NELL2: variants seen among roughly 807,000 people sequenced by gnomAD.
NELL2 encodes protein kinase C-binding protein NELL2.
A neutral mutation model predicts 109.6 loss-of-function variants in NELL2; 41 were observed. That is an observed-to-expected ratio of 0.37 (90% confidence interval 0.29 to 0.49). NELL2 has a LOEUF of 0.49. Ranked by LOEUF, NELL2 falls within the 20% of genes least tolerant of loss-of-function variation. The pLI is 0.98. For synonymous variants in NELL2, 355 were observed against 344.7 expected (o/e 1.03, Z -0.33); for missense variants, 900 against 1,008.3 (o/e 0.89, Z 1.45).
chr12:44,580,382 C>T (rs2136209689), intron 15 of NELL2, among the ~76,000 whole-genome samples: 1 of 152,218 alleles, frequency 6.6e-6, no homozygotes, highest in East Asian at 1.9e-4. Flanking sequence ...CACAGAAAAG[C>T]ATCACAGAAG....
At chr12:44,639,954 G>A (rs1946790200) in intron 13 of NELL2, among the ~76,000 whole-genome samples, 2 of 151,968 alleles carry the variant, frequency 1.3e-5, no homozygotes, top group African/African-American at 4.8e-5. Flanking sequence ...CCTCTTTTCA[G>A]TCCCTTAAAC....
intron 19 of NELL2, among the ~76,000 whole-genome samples, chr12:44,510,894 T>C (rs1158847545): frequency 6.6e-6 from 1 of 152,216 alleles, no homozygotes; most frequent in Admixed American, 6.5e-5. Context: ...TTTCTGACCA[T>C]AACCAGGTCA....
At chr12:44,665,411 G>C in intron 13 of NELL2, 73 bp downstream of exon 13, 1 of 1,336,848 alleles carries the variant, frequency 7.5e-7, no homozygotes, top group Non-Finnish European at 1.0e-6. Flanking sequence ...TCAAAAAAAT[G>C]AGAGTCAAAG....
At chr12:44,693,405 T>C (rs1824156255) in intron 12 of NELL2, among the ~76,000 whole-genome samples, 1 of 152,218 alleles carries the variant, frequency 6.6e-6, no homozygotes, top group Admixed American at 6.5e-5. Context: ...TATTGCAATA[T>C]TAGCTTTATT....
intron 2 of NELL2, among the ~76,000 whole-genome samples, chr12:44,847,075 G>A (rs137910082): frequency 4.3e-4 from 65 of 152,274 alleles, no homozygotes; most frequent in African/African-American, 1.4e-3. Flanking sequence ...AGAACTCAGA[G>A]TATTACATAA....
chr12:44,863,552 C>A (rs1605295), intron 2 of NELL2, among the ~76,000 whole-genome samples: 11,267 of 152,082 alleles, frequency 0.074, 544 homozygotes, highest in Admixed American at 0.12. Flanking sequence ...AATATTGAAC[C>A]CAGCAAACAT....
intron 13 of NELL2, among the ~76,000 whole-genome samples, chr12:44,634,485 C>T (rs1327150478): frequency 1.3e-5 from 2 of 152,120 alleles, no homozygotes; most frequent in East Asian, 3.9e-4. Context: ...ATCCATGTCC[C>T]TGCAAAGGCA....
Position 44,777,058 on chromosome 12 carries a change from G to A in NELL2, c.746C>T (p.Ala249Val). The change falls in exon 7 of 20, where the codon GCC becomes GTC. Residue 249 changes from alanine to valine, a missense_variant. Coordinates refer to ENST00000429094, the MANE Select transcript of NELL2 (RefSeq NM_001145108.2). ...AGCTTTTACCTTGGCTGATGTTTTG[G>A]CTAAAATATCCTGTAGCTCCATGAT... ...QKIMELQDIL[A>V]KTSAKLSRAE... The A allele has an allele frequency of 6.2e-7, 1 of 1,613,936 alleles. No individual in the cohort carries two copies. The highest frequency in any genetic ancestry group is 8.5e-7 in the Non-Finnish European group (1 of 1,179,892).
chr12:44,850,258 T>C (rs1415489091), intron 2 of NELL2, among the ~76,000 whole-genome samples: 1 of 152,268 alleles, frequency 6.6e-6, no homozygotes, highest in East Asian at 1.9e-4. Flanking sequence ...ATTATTATTT[T>C]TTCATAATTA....
At chr12:44,652,227 T>C (rs965583476) in intron 13 of NELL2, among the ~76,000 whole-genome samples, 3 of 152,204 alleles carry the variant, frequency 2.0e-5, no homozygotes, top group Non-Finnish European at 4.4e-5. Flanking sequence ...ACATTTTTTA[T>C]AGTTTCCAAA....
intron 3 of NELL2, among the ~76,000 whole-genome samples, chr12:44,801,721 T>A (rs1286320763): frequency 6.6e-6 from 1 of 152,130 alleles, no homozygotes; most frequent in Non-Finnish European, 1.5e-5. Flanking sequence ...TGACACAGGG[T>A]AGGCGCTGAA....
intron 19 of NELL2, among the ~76,000 whole-genome samples, chr12:44,513,386 A>T (rs1592050268): frequency 6.6e-6 from 1 of 152,094 alleles, no homozygotes; most frequent in African/African-American, 2.4e-5. Context: ...AAAAATTAAT[A>T]GACGTGAAGA....
chr12:44,733,559 G>C (rs559185890), intron 9 of NELL2, among the ~76,000 whole-genome samples: 1 of 151,912 alleles, frequency 6.6e-6, no homozygotes, highest in Non-Finnish European at 1.5e-5. Context: ...GCTAGGAGGA[G>C]AAGAAAATAA....
intron 9 of NELL2, among the ~76,000 whole-genome samples, chr12:44,743,991 A>G (rs1453610518): frequency 6.6e-6 from 1 of 152,126 alleles, no homozygotes; most frequent in Non-Finnish European, 1.5e-5. Flanking sequence ...AATCAACAGA[A>G]TATACATTTT....
At chr12:44,690,195 C>G (rs1948857234) in intron 12 of NELL2, among the ~76,000 whole-genome samples, 1 of 152,032 alleles carries the variant, frequency 6.6e-6, no homozygotes, top group Non-Finnish European at 1.5e-5. Flanking sequence ...TTTGATGCAG[C>G]CTGAAACACA....
At chr12:44,512,333 G>A (rs1220261891) in intron 19 of NELL2, among the ~76,000 whole-genome samples, 2 of 152,128 alleles carry the variant, frequency 1.3e-5, no homozygotes, top group East Asian at 3.9e-4. Context: ...AATTACAAAT[G>A]CTGGTGAGGA....
rs1012190587 is a variant in NELL2 at position 44,612,845 on chromosome 12, T to C, written c.1445-1875A>G. On this transcript the variant is annotated intron_variant, in intron 13 of 19. Coordinates refer to ENST00000429094, the MANE Select transcript of NELL2 (RefSeq NM_001145108.2). ...GGTTGTCTTTTTAATTGGACCATAC[T>C]CACCGGGTAGAGAAAGGACCTAACA... Among the ~76,000 whole-genome samples the C allele has an allele frequency of 3.9e-5, 6 of 152,174 alleles. No individual in the cohort carries two copies. In the East Asian group the frequency reaches 1.2e-3, roughly 29 times the overall value.
At chr12:44,650,861 G>A (rs1947276403) in intron 13 of NELL2, among the ~76,000 whole-genome samples, 1 of 152,168 alleles carries the variant, frequency 6.6e-6, no homozygotes, top group Non-Finnish European at 1.5e-5. Flanking sequence ...GCCCTCACGA[G>A]AAATTAAATT....
chr12:44,897,283 G>A (rs1945603742), intron 1 of NELL2, among the ~76,000 whole-genome samples: 1 of 152,080 alleles, frequency 6.6e-6, no homozygotes, highest in African/African-American at 2.4e-5. Flanking sequence ...ATGAGAAAGA[G>A]GAGTGTGTTC....
Sources: allele counts gnomAD v4.1 joint callset (sites outside exome capture counted in the v4.1 genomes callset), GRCh38; gene constraint gnomAD v4.1.1; transcripts MANE v1.5; gene names NCBI Gene and HGNC (gene_info 2026-07-23, HGNC 2026-07-21).